Variants in DACH2 observed in about 807,000 individuals in gnomAD.
DACH2 encodes the protein dachshund homolog 2.
DACH2 carries 17 observed loss-of-function variants against 35.8 expected under a neutral mutation model. That is an observed-to-expected ratio of 0.48 (90% CI 0.33 to 0.71). The LOEUF (loss-of-function observed/expected upper bound fraction) is 0.71, where lower values mean the gene tolerates loss of function less well. DACH2 is among the 30% of genes least tolerant of loss of function. The probability of loss-of-function intolerance (pLI) is 0.02; values close to 1 mark genes in which losing one functional copy is unlikely to be tolerated. For missense variants in DACH2, 469 were observed against 472.7 expected, an observed-to-expected ratio of 0.99 and a Z score of 0.07; for synonymous variants, 195 against 177.3, an observed-to-expected ratio of 1.10 and a Z score of -0.79.
intron 3 of DACH2, among the ~76,000 whole-genome samples, chrX:86,638,092 C>A (rs2040299469): frequency 9.0e-6 from 1 of 110,914 alleles, no homozygotes; most frequent in African/African-American, 3.3e-5. Flanking sequence ...GAATAGAGAT[C>A]CCAGAAATAA....
chrX:86,483,017 T>C, intron 2 of DACH2, among the ~76,000 whole-genome samples: 1 of 106,203 alleles, frequency 9.4e-6, no homozygotes. Flanking sequence ...AGGGATAGCA[T>C]TGGGAGATAA....
intron 3 of DACH2, among the ~76,000 whole-genome samples, chrX:86,612,918 T>C (rs1468762452): frequency 1.8e-5 from 2 of 112,521 alleles, no homozygotes; most frequent in Non-Finnish European, 3.8e-5. Flanking sequence ...CCAGATCATA[T>C]TTAACCTATT....
intron 2 of DACH2, among the ~76,000 whole-genome samples, chrX:86,458,779 G>T (rs7879045): frequency 9.0e-6 from 1 of 111,574 alleles, no homozygotes; most frequent in East Asian, 2.8e-4. Context: ...AATTGATCAT[G>T]CAGAGGCATT....
intron 3 of DACH2, among the ~76,000 whole-genome samples, chrX:86,540,745 A>C (rs1337968037): frequency 9.0e-6 from 1 of 111,602 alleles, no homozygotes; most frequent in Non-Finnish European, 1.9e-5. Flanking sequence ...TTATGTTGTA[A>C]TTTTTAGTGC....
rs1022488781 is a variant in DACH2, at chrX:86,478,681, G to T, written c.528-35598G>T. 7.3e-5 allele frequency among the ~76,000 whole-genome samples: 8 copies of T among 108,998 alleles called. No homozygotes were observed. In the East Asian group the frequency reaches 2.0e-3, roughly 28 times the overall value. The allele number at this position is 108,998 out of a possible 115,157, so 94.7% of individuals were successfully genotyped here. ...CCCCCTCACAGGGCATGTGACAGGG[G>T]TTTGTCTTGCTTCTTTGATGCCCTG... On this transcript the variant is annotated intron_variant, in intron 2 of 11. Coordinates refer to ENST00000373125, the MANE Select transcript of DACH2 (RefSeq NM_053281.3).
rs914067882 is a variant in DACH2, at chrX:86,653,406, G to A, written c.772+2239G>A. 5.4e-5 allele frequency among the ~76,000 whole-genome samples: 6 copies of A among 111,108 alleles called. 1 individual carries two copies. The highest frequency in any genetic ancestry group is 6.6e-5 in the African/African-American group (2 of 30,505). On this transcript the variant is annotated intron_variant, in intron 4 of 11. Coordinates refer to ENST00000373125, the MANE Select transcript of DACH2 (RefSeq NM_053281.3). ...GTCTAAAAGCGTGGTGGAAGGGTGC[G>A]GGGGAGCAGGGTGACTCCCCATTCC...
chrX:86,336,446 C>A (rs759156242), intron 1 of DACH2, among the ~76,000 whole-genome samples: 22 of 111,826 alleles, frequency 2.0e-4, no homozygotes, highest in Non-Finnish European at 3.0e-4. Context: ...GATACCCAGG[C>A]AAACAGGGTC....
At chrX:86,646,702 G>T (rs1244115380) in intron 3 of DACH2, among the ~76,000 whole-genome samples, 1 of 109,617 alleles carries the variant, frequency 9.1e-6, no homozygotes, top group African/African-American at 3.3e-5. Flanking sequence ...ATAACAAAGG[G>T]TTAGTATACA....
intron 1 of DACH2, among the ~76,000 whole-genome samples, chrX:86,358,589 G>A (rs1602438335): frequency 9.1e-6 from 1 of 110,127 alleles, no homozygotes; most frequent in Non-Finnish European, 1.9e-5. Context: ...ACCTACAATT[G>A]CTGGGGAGCA....
At chrX:86,501,278 G>T (rs1000712036) in intron 2 of DACH2, among the ~76,000 whole-genome samples, 9 of 111,958 alleles carry the variant, frequency 8.0e-5, no homozygotes, top group Non-Finnish European at 1.7e-4. Flanking sequence ...CAGTTTTGAA[G>T]AAGGGTTTTG....
At chrX:86,732,623 G>A (rs1450086724) in intron 6 of DACH2, among the ~76,000 whole-genome samples, 5 of 111,902 alleles carry the variant, frequency 4.5e-5, no homozygotes, top group African/African-American at 1.6e-4. Context: ...TGGTCCCAAT[G>A]AAATGGAGAT....
chrX:86,540,733 CT>C (rs1390570043), intron 3 of DACH2, among the ~76,000 whole-genome samples: 5 of 111,476 alleles, frequency 4.5e-5, no homozygotes, highest in African/African-American at 1.6e-4. Context: ...TAAATATTTG[CT>C]TTATGTTGTA....
At chrX:86,808,931 A>G (rs1217623004) in intron 7 of DACH2, among the ~76,000 whole-genome samples, 6 of 111,444 alleles carry the variant, frequency 5.4e-5, no homozygotes, top group African/African-American at 2.0e-4. Context: ...TTCTATTTTG[A>G]GTATTCACTA....
rs200545072 is a variant in DACH2, at chrX:86,667,610, A to C, written c.772+16443A>C. Among the ~76,000 whole-genome samples, 517 of 95,565 alleles carry C rather than the reference A, an allele frequency of 5.4e-3. 3 individuals are homozygous for C. Among genetic ancestry groups the C allele is most frequent in the African/African-American group, 9.8e-3 (239 of 24,494 alleles). 83.0% of individuals were successfully genotyped at this position (95,565 alleles called of 115,157 possible). A position where few individuals can be genotyped will look rare whatever the true frequency, so the allele number is the denominator to read the frequency against. ...AAAGAAAGAAAGAAAGAAAGAAAGA[A>C]AGAAAGGCAGGCAGGCCCTGGTCTT... On this transcript the variant is annotated intron_variant, in intron 4 of 11. Transcript: ENST00000373125.
At position 86,260,995 on chromosome X, in the gene DACH2, T is replaced by A. The variant is rs1419923374; in HGVS notation, c.488+111887T>A. On this transcript the variant is annotated intron_variant, in intron 1 of 11. Coordinates refer to ENST00000373125, the MANE Select transcript of DACH2 (RefSeq NM_053281.3). ...TCAACTCTTACTTAACGTTGCCCAG[T>A]CTAAATGATGCTTCCAGTAATTTTA... 3.6e-5 allele frequency among the ~76,000 whole-genome samples: 4 copies of A among 112,361 alleles called. No individual in the cohort carries two copies. In the Admixed American group the frequency reaches 3.8e-4, roughly 11 times the overall value.
chrX:86,219,647 A>G (rs1046546438), intron 1 of DACH2, among the ~76,000 whole-genome samples: 2 of 111,718 alleles, frequency 1.8e-5, no homozygotes, highest in Non-Finnish European at 3.8e-5. Context: ...CTCCCATTAC[A>G]TAGGTTGTCT....
intron 5 of DACH2, among the ~76,000 whole-genome samples, chrX:86,707,912 T>A (rs868072534): frequency 1.7e-4 from 6 of 34,556 alleles, no homozygotes; most frequent in Non-Finnish European, 2.7e-4. Flanking sequence ...AGACTCCATC[T>A]AAAAAAAAAA....
At chrX:86,664,899 G>A (rs1175616615) in intron 4 of DACH2, among the ~76,000 whole-genome samples, 1 of 111,444 alleles carries the variant, frequency 9.0e-6, no homozygotes, top group Non-Finnish European at 1.9e-5. Flanking sequence ...AGGCAAAAGG[G>A]GTACATCTTT....
At chrX:86,180,897 T>G (rs1755965690) in intron 1 of DACH2, among the ~76,000 whole-genome samples, 1 of 111,513 alleles carries the variant, frequency 9.0e-6, no homozygotes, top group African/African-American at 3.3e-5. Context: ...GGATAGTTTT[T>G]TATAGATTTC....
Sources: allele counts gnomAD v4.1 joint callset (sites outside exome capture counted in the v4.1 genomes callset), GRCh38; gene constraint gnomAD v4.1.1; transcripts MANE v1.5; gene names NCBI Gene and HGNC (gene_info 2026-07-23, HGNC 2026-07-21).